Variants in DNHD1 observed in about 807,000 individuals in gnomAD.
DNHD1 encodes dynein heavy chain domain 1.
A neutral mutation model predicts 458.1 loss-of-function variants in DNHD1; 383 were observed. The observed-to-expected ratio is 0.84, with a 90% confidence interval of 0.77 to 0.91. The LOEUF is 0.91. DNHD1 is among the 40% of genes least tolerant of loss of function. DNHD1 has a pLI of 0.00. For synonymous variants in DNHD1, 2,203 were observed against 2,376.9 expected (o/e 0.93, Z 2.13); for missense variants, 5,336 against 5,866.1 (o/e 0.91, Z 2.95).
At position 6,568,772 on chromosome 11, in the gene DNHD1, C is replaced by T. The variant is rs765416989; in HGVS notation, c.12769C>T (p.Pro4257Ser). ...ELAQQVLYMQ[P>S]PTQALPLLLL... ...AGCCCAGCAAGTACTCTACATGCAA[C>T]CCCCCACCCAGGCACTACCTCTGCT... The change falls in exon 39 of 43, where the codon CCC becomes TCC. Residue 4257 changes from proline to serine, a missense_variant. Coordinates refer to ENST00000254579, the MANE Select transcript of DNHD1 (RefSeq NM_144666.3). 2.5e-6 allele frequency: 4 copies of T among 1,613,364 alleles called. No individual in the cohort carries two copies. Among genetic ancestry groups the T allele is most frequent in the South Asian group, 1.1e-5 (1 of 90,894 alleles).
chr11:6,517,652 C>CTTT lies in DNHD1; in HGVS notation c.1393-1916_1393-1914dup, dbSNP rs59300977. ...ACAAATACTGTATGATCTAGGACTT[C>CTTT]TTTTTTTTTTTTTTTTTTTTTTTTT... On this transcript the variant is annotated intron_variant, in intron 7 of 42. Transcript: ENST00000254579. Among the ~76,000 whole-genome samples, 380 of 59,036 alleles carry CTTT rather than the reference C, an allele frequency of 6.4e-3. 34 individuals carry two copies. Among genetic ancestry groups the CTTT allele is most frequent in the East Asian group, 0.034 (36 of 1,068 alleles). The allele number at this position is 59,036 out of a possible 152,430, so 38.7% of individuals were successfully genotyped here. A position where few individuals can be genotyped will look rare whatever the true frequency, so the allele number is the denominator to read the frequency against.
At chr11:6,512,269 G>A (rs1478629355) in intron 7 of DNHD1, among the ~76,000 whole-genome samples, 1 of 127,172 alleles carries the variant, frequency 7.9e-6, no homozygotes, top group Non-Finnish European at 1.6e-5. Flanking sequence ...CACCCAGGCT[G>A]GAGTGCAGTG....
chr11:6,524,452 A>G (rs1276031249), intron 10 of DNHD1, among the ~76,000 whole-genome samples: 1 of 152,032 alleles, frequency 6.6e-6, no homozygotes, highest in Non-Finnish European at 1.5e-5. Context: ...TTCCCTTATA[A>G]CTACTTCTTT....
intron 6 of DNHD1, among the ~76,000 whole-genome samples, chr11:6,510,850 G>T (rs1247143029): frequency 6.6e-6 from 1 of 152,160 alleles, no homozygotes; most frequent in Non-Finnish European, 1.5e-5. Context: ...CTTCCTCAGG[G>T]ATGGGCAGCC....
At chr11:6,544,470 C>A in intron 19 of DNHD1, 104 bp from the exon 20 acceptor site, 2 of 1,082,432 alleles carry the variant, frequency 1.8e-6, no homozygotes, top group South Asian at 1.5e-5. Context: ...GAGTATTTTG[C>A]TTGGGCTGGT....
In DNHD1 at chr11:6,545,518, C is replaced by G. The variant is rs1220460779; in HGVS notation, c.4579C>G (p.Leu1527Val). 22 of 1,551,608 alleles carry G rather than the reference C, an allele frequency of 1.4e-5. No individual in the cohort carries two copies. The highest frequency in any genetic ancestry group is 5.9e-5 in the Admixed American group (3 of 50,994). Residue 1527 changes from leucine (L) to valine (V), a missense_variant, in exon 21 of 43, where the codon CTG becomes GTG. Leu to Val is a conservative substitution (Grantham distance 32). Transcript: ENST00000254579. The surrounding 1 kb of genome is among the most constrained non-coding windows in gnomAD (Gnocchi z 4.9). ...ATGGCGGGCCGAGATGGAGGAGGCT[C>G]TGCTTGAGTGGGGTACCCTGGCCAT... ...VVWRAEMEEA[L>V]LEWGTLAMVS...
chr11:6,533,088 C>G lies in DNHD1; in HGVS notation c.2409C>G (p.Asn803Lys). The change falls in exon 13 of 43, where the codon AAC (asparagine) becomes AAG (lysine). Residue 803 changes from asparagine to lysine, a missense_variant. Asn to Lys is a moderately conservative substitution (Grantham distance 94). This residue lies in a region of DNHD1 where 3,932 missense variants were observed against 4,365.6 expected (regional missense o/e 0.90). Coordinates refer to ENST00000254579, the MANE Select transcript of DNHD1 (RefSeq NM_144666.3). ...CACACGTGCAAAATGAGTGCTGGAA[C>G]CTCAGTCAACAACTCATGACAGAGC... ...ILAHVQNECW[N>K]LSQQLMTELT... is the part of the protein sequence containing the mutation. 6.4e-7 allele frequency: 1 copy of G among 1,551,644 alleles called. No individual in the cohort carries two copies.
rs757482652 is a variant in DNHD1, at chr11:6,568,600, G to T, written c.12661+24G>T. The T allele has an allele frequency of 6.2e-6, 10 of 1,613,724 alleles. No homozygotes were observed. The East Asian group carries it at 2.0e-4, about 32-fold the overall frequency. Reference sequence around the variant, plus strand: ...AGGTGAGGAGCTTAACCCCCTACAGGCTCTCAAATTGGAAGTGGGAGGGCA... The same window carrying T: ...AGGTGAGGAGCTTAACCCCCTACAGTCTCTCAAATTGGAAGTGGGAGGGCA... On this transcript the variant is annotated intron_variant, in intron 38 of 42. Coordinates refer to ENST00000254579, the MANE Select transcript of DNHD1 (RefSeq NM_144666.3).
At chr11:6,539,494 C>G (rs1201524260) in intron 17 of DNHD1, among the ~76,000 whole-genome samples, 181 bp downstream of exon 17, 2 of 152,220 alleles carry the variant, frequency 1.3e-5, no homozygotes, top group Non-Finnish European at 2.9e-5. Flanking sequence ...TGATTCCAGA[C>G]TCCCAGTGAC....
At chr11:6,536,762 T>C (rs377360317) in intron 14 of DNHD1, among the ~76,000 whole-genome samples, 2 of 152,252 alleles carry the variant, frequency 1.3e-5, no homozygotes, top group Non-Finnish European at 2.9e-5. Context: ...CCCCAGTTTG[T>C]CTTTATCTTT....
rs1320452727 is a variant in DNHD1, at chr11:6,545,962, T to C, written c.5023T>C (p.Leu1675=). ...TGAACGGCCAGCCCTGGTACTATTA[T>C]TGGCCCTAGAGGAGGTGGCCTGTGG... ...LPERPALVLL[L]ALEEVACGTV... Residue 1675 remains leucine (L), a synonymous_variant, in exon 21 of 43, where the codon TTG becomes CTG. Transcript: ENST00000254579. The surrounding 1 kb of genome is among the most constrained non-coding windows in gnomAD (Gnocchi z 4.9). The C allele has an allele frequency of 6.4e-7, 1 of 1,551,794 alleles. No individual in the cohort carries two copies. Among genetic ancestry groups the C allele is most frequent in the South Asian group, 1.2e-5 (1 of 84,066 alleles).
intron 24 of DNHD1, among the ~76,000 whole-genome samples, chr11:6,556,098 C>T (rs1417841184): frequency 6.6e-6 from 1 of 152,132 alleles, no homozygotes; most frequent in Non-Finnish European, 1.5e-5. Context: ...CTTAGCCTCC[C>T]AAGTAGACAG....
In DNHD1 at chr11:6,570,645, A is replaced by C. The variant is rs1204910491; in HGVS notation, c.13133A>C (p.Glu4378Ala). ...PELRELDAMA[E>A]CKAQMHLLPS... ...CTAAGGGAGCTGGATGCAATGGCAGAGTGCAAGGCCCAGATGCACCTACTG... is the reference window on the plus strand; with the variant it reads ...CTAAGGGAGCTGGATGCAATGGCAGCGTGCAAGGCCCAGATGCACCTACTG... The change falls in exon 42 of 43, where the codon GAG becomes GCG. Residue 4378 changes from glutamate (E) to alanine (A), a missense_variant. By Grantham distance (107) the Glu-to-Ala change is moderately radical. This residue lies in a region of DNHD1 where 698 missense variants were observed against 664.9 expected (regional missense o/e 1.05). Coordinates refer to ENST00000254579, the MANE Select transcript of DNHD1 (RefSeq NM_144666.3). 1 of 1,610,204 alleles carries C rather than the reference A, an allele frequency of 6.2e-7. No individual in the cohort carries two copies. The highest frequency in any genetic ancestry group is 8.5e-7 in the Non-Finnish European group (1 of 1,178,050).
In DNHD1 at chr11:6,539,310, C is replaced by G; in HGVS notation, c.3417C>G (p.Asn1139Lys). 6.4e-7 allele frequency: 1 copy of G among 1,550,580 alleles called. No homozygotes were observed. The highest frequency in any genetic ancestry group is 1.2e-5 in the South Asian group (1 of 84,034). ...TGCTGGAGTTTGCAGATCGAATCAACCAGGTGGGGCCCTCAGTACAGGGGC... is the reference window on the plus strand; with the variant it reads ...TGCTGGAGTTTGCAGATCGAATCAAGCAGGTGGGGCCCTCAGTACAGGGGC... ...YPLLEFADRI[N>K]QVWQNENERI... The change falls in exon 17 of 43, where the codon AAC becomes AAG. Residue 1139 changes from asparagine (N) to lysine (K), a missense_variant. Around this residue, in one of 4 missense-constraint regions of DNHD1, gnomAD observed 3,932 missense variants for 4,365.6 expected, o/e 0.90. Coordinates refer to ENST00000254579, the MANE Select transcript of DNHD1 (RefSeq NM_144666.3).
At chr11:6,529,200 T>C (rs1852777002) in intron 12 of DNHD1, 79 bp downstream of exon 12, 1 of 1,483,140 alleles carries the variant, frequency 6.7e-7, no homozygotes. Flanking sequence ...TCCTGGAATG[T>C]CCTCCGGAGA....
chr11:6,544,495 G>A, intron 19 of DNHD1, 79 bp from the exon 20 acceptor site: 1 of 1,233,786 alleles, frequency 8.1e-7, no homozygotes, highest in South Asian at 1.4e-5. Flanking sequence ...TACCTGAGAG[G>A]TCAGGAGCAG....
At chr11:6,552,652 G>A (rs189053435) in intron 24 of DNHD1, among the ~76,000 whole-genome samples, 37 of 152,122 alleles carry the variant, frequency 2.4e-4, no homozygotes, top group African/African-American at 8.0e-4. Flanking sequence ...AGCAGTTGGC[G>A]GGGGCGGGGT....
chr11:6,523,353 G>A (rs761795901), intron 10 of DNHD1, among the ~76,000 whole-genome samples: 6 of 152,138 alleles, frequency 3.9e-5, no homozygotes, highest in Non-Finnish European at 8.8e-5. Flanking sequence ...GAAGTATAGA[G>A]GGAAGCAGTG....
intron 10 of DNHD1, among the ~76,000 whole-genome samples, chr11:6,526,735 G>A (rs938503104): frequency 3.9e-5 from 6 of 152,100 alleles, no homozygotes; most frequent in African/African-American, 7.2e-5. Context: ...GACGAGCTCT[G>A]TCCCAAAAGG....
Sources: allele counts gnomAD v4.1 joint callset (sites outside exome capture counted in the v4.1 genomes callset), GRCh38; gene constraint gnomAD v4.1.1; regional missense constraint gnomAD v4.1.1; non-coding constraint Gnocchi (gnomAD v3.1); transcripts MANE v1.5; gene names NCBI Gene and HGNC (gene_info 2026-07-23, HGNC 2026-07-21).